AZIN1: variants seen among roughly 807,000 people sequenced by gnomAD.
AZIN1 encodes ornithine decarboxylase antizyme inhibitor.
Under a neutral mutation model 47.4 loss-of-function variants are expected in AZIN1, and 12 were observed. The ratio of observed to expected loss-of-function variants is 0.25; its 90% confidence interval spans 0.16 to 0.41. The LOEUF (loss-of-function observed/expected upper bound fraction) is 0.41, where lower values mean the gene tolerates loss of function less well. Ranked by LOEUF, AZIN1 falls within the 10% of genes least tolerant of loss-of-function variation. The pLI is 1.00. For missense variants in AZIN1, 410 were observed against 532.4 expected (o/e 0.77, Z 2.26); for synonymous variants, 155 against 176.3 (o/e 0.88, Z 0.96).
At position 102,836,358 on chromosome 8, in the gene AZIN1, A is replaced by G. The variant is rs753072537; in HGVS notation, c.482T>C (p.Ile161Thr). Residue 161 changes from isoleucine to threonine, a missense_variant, in exon 6 of 12, where the codon ATT (isoleucine) becomes ACT (threonine). Physicochemically the swap from Ile to Thr is moderately conservative, Grantham distance 89. This residue lies in a region of AZIN1 where 237 missense variants were observed against 309.4 expected (regional missense o/e 0.77). Coordinates refer to ENST00000337198, the MANE Select transcript of AZIN1 (RefSeq NM_148174.4). The stretch of plus-strand genomic sequence containing the variant: ...CTTCATGTTACCCTCTTCACCTCCA[A>G]TATTATCTTCTGTTGCAATATGTAG... ...VLLHIATEDNIGGEEGNMKFG... is the reference protein window; with the variant it reads ...VLLHIATEDNTGGEEGNMKFG... 7 of 1,613,814 alleles carry G rather than the reference A, an allele frequency of 4.3e-6. No homozygotes were observed. The highest frequency in any genetic ancestry group is 4.0e-5 in the African/African-American group (3 of 74,904).
At position 102,854,292 on chromosome 8, in the gene AZIN1, T is replaced by C. The variant is rs918733549; in HGVS notation, c.-96+3721A>G. Among the ~76,000 whole-genome samples the C allele has an allele frequency of 2.0e-5, 3 of 151,962 alleles. No individual in the cohort carries two copies. In the East Asian group the frequency reaches 5.8e-4, roughly 29 times the overall value. ...ACAGTGAAACATGAGGAAGGAGTAC[T>C]AGCAAATTCGTAAAGAACATCTTTC... On this transcript the variant is annotated intron_variant, in intron 2 of 11. Transcript: ENST00000337198.
At chr8:102,831,321 T>C (rs1449198737) in intron 9 of AZIN1, among the ~76,000 whole-genome samples, 3 of 152,036 alleles carry the variant, frequency 2.0e-5, no homozygotes, top group Non-Finnish European at 4.4e-5. Flanking sequence ...ATAATGAAGT[T>C]AGAAATTCAA....
At chr8:102,853,875 G>GAA (rs1813088445) in intron 2 of AZIN1, among the ~76,000 whole-genome samples, 7 of 151,294 alleles carry the variant, frequency 4.6e-5, no homozygotes, top group Admixed American at 4.0e-4. Context: ...CGGGGGGTGG[G>GAA]GGGAGAAAAG....
intron 3 of AZIN1, among the ~76,000 whole-genome samples, chr8:102,842,052 A>G (rs1812229203): frequency 6.6e-6 from 1 of 151,980 alleles, no homozygotes; most frequent in African/African-American, 2.4e-5. Flanking sequence ...CCGAGGTTGT[A>G]GTGAGTTGAG....
chr8:102,858,746 A>G (rs981246194), intron 1 of AZIN1, among the ~76,000 whole-genome samples: 3 of 152,238 alleles, frequency 2.0e-5, no homozygotes, highest in Admixed American at 6.5e-5. Flanking sequence ...TCCTTATAAT[A>G]TTAAGCAACT....
intron 2 of AZIN1, among the ~76,000 whole-genome samples, chr8:102,846,345 T>C (rs1254177913): frequency 2.0e-5 from 3 of 152,192 alleles, no homozygotes; most frequent in Non-Finnish European, 4.4e-5. Context: ...TAAAGATATT[T>C]TTTCCCAAAT....
chr8:102,852,676 G>C (rs139569015), intron 2 of AZIN1, among the ~76,000 whole-genome samples: 53 of 152,328 alleles, frequency 3.5e-4, no homozygotes, highest in African/African-American at 1.2e-3. Flanking sequence ...GGCCTGGGCA[G>C]GTTGAACCTG....
chr8:102,845,875 G>A (rs1033811156), intron 2 of AZIN1, among the ~76,000 whole-genome samples: 4 of 152,104 alleles, frequency 2.6e-5, no homozygotes, highest in African/African-American at 9.7e-5. Context: ...TGCAAACTGT[G>A]TCTTTTAAGT....
Position 102,827,535 on chromosome 8 carries a change from G to A in AZIN1, c.*1032C>T, listed in dbSNP as rs2131181585. 6.6e-6 allele frequency: 1 copy of A among 152,184 alleles called. No individual in the cohort carries two copies. Among genetic ancestry groups the A allele is most frequent in the East Asian group, 1.9e-4 (1 of 5,184 alleles). The allele number at this position is 152,184 out of a possible 1,614,324, so 9.4% of individuals were successfully genotyped here. On this transcript the variant is annotated 3_prime_UTR_variant, in exon 12 of 12. Coordinates refer to ENST00000337198, the MANE Select transcript of AZIN1 (RefSeq NM_148174.4). ...AAACATTCCGTGCAAAAGAGCAACA[G>A]GTTTCTGGATAAAGATGTAGCCCTT...
intron 2 of AZIN1, among the ~76,000 whole-genome samples, chr8:102,846,456 G>T (rs149572697): frequency 6.6e-6 from 1 of 152,268 alleles, no homozygotes; most frequent in Non-Finnish European, 1.5e-5. Flanking sequence ...CAGCCTAAGT[G>T]TTTCATCTAT....
chr8:102,834,535 T>C (rs563647614), intron 7 of AZIN1, 131 bp downstream of exon 7: 4 of 704,454 alleles, frequency 5.7e-6, no homozygotes, highest in East Asian at 5.4e-5. Flanking sequence ...TGAATGCTTA[T>C]ATAATAAAAA....
chr8:102,830,114 G>A (rs949717492), intron 9 of AZIN1, 178 bp from the exon 10 acceptor site: 11 of 516,240 alleles, frequency 2.1e-5, no homozygotes, highest in African/African-American at 9.9e-5. Flanking sequence ...GGCTGGATGC[G>A]GTGGCTCATA....
Position 102,834,654 on chromosome 8 carries a change from G to C in AZIN1, c.666+12C>G. 6.4e-7 allele frequency: 1 copy of C among 1,574,416 alleles called. No homozygotes were observed. On this transcript the variant is annotated intron_variant, in intron 7 of 11. Coordinates refer to ENST00000337198, the MANE Select transcript of AZIN1 (RefSeq NM_148174.4). The stretch of plus-strand genomic sequence containing the variant: ...AATAAAATATCAAAATAACTTAAAA[G>C]AAAGAACTTACAGCCATGTCAAACA...
In AZIN1 at chr8:102,829,522, T is replaced by C. The variant is rs777484519; in HGVS notation, c.1021-36A>G. The C allele has an allele frequency of 2.6e-6, 4 of 1,523,368 alleles. No individual in the cohort carries two copies. In the South Asian group the frequency reaches 4.7e-5, roughly 18 times the overall value. The allele number at this position is 1,523,368 out of a possible 1,614,324, so 94.4% of individuals were successfully genotyped here. ...AGTTTTACAATTTAATTTTTACTCATACTTACGCAGGTATTGAATTTGTGA... is the reference window on the plus strand; with the variant it reads ...AGTTTTACAATTTAATTTTTACTCACACTTACGCAGGTATTGAATTTGTGA... On this transcript the variant is annotated intron_variant, in intron 10 of 11. Coordinates refer to ENST00000337198, the MANE Select transcript of AZIN1 (RefSeq NM_148174.4).
At chr8:102,840,385 C>CAGACT (rs1457180318) in intron 3 of AZIN1, among the ~76,000 whole-genome samples, 3 of 152,152 alleles carry the variant, frequency 2.0e-5, no homozygotes, top group African/African-American at 7.2e-5. Flanking sequence ...TCTGTAGCAA[C>CAGACT]AGACTGGAGG....
At chr8:102,848,116 G>T (rs568030137) in intron 2 of AZIN1, among the ~76,000 whole-genome samples, 21 of 152,006 alleles carry the variant, frequency 1.4e-4, no homozygotes, top group African/African-American at 5.1e-4. Context: ...CGGTATACAG[G>T]ATGGTAGCCT....
At chr8:102,837,462 A>G (rs1285020675) in intron 5 of AZIN1, among the ~76,000 whole-genome samples, 1 of 152,234 alleles carries the variant, frequency 6.6e-6, no homozygotes, top group Non-Finnish European at 1.5e-5. Context: ...AAGAAGGTTA[A>G]TAATATGGCC....
rs1478597537 is a variant in AZIN1 at position 102,838,667 on chromosome 8, C to T, written c.449+77G>A. On this transcript the variant is annotated intron_variant, in intron 5 of 11. Coordinates refer to ENST00000337198, the MANE Select transcript of AZIN1 (RefSeq NM_148174.4). Reference sequence around the variant, plus strand: ...CATCATTGCCCTACCACAAATGCTCCTTTCTTCCCAGACAAAAGACAAACC... The same window carrying T: ...CATCATTGCCCTACCACAAATGCTCTTTTCTTCCCAGACAAAAGACAAACC... 30 of 1,244,658 alleles carry T rather than the reference C, an allele frequency of 2.4e-5. No homozygotes were observed. The East Asian group carries it at 5.9e-4, about 24-fold the overall frequency. 77.1% of individuals were successfully genotyped at this position (1,244,658 alleles called of 1,614,324 possible). A position where few individuals can be genotyped will look rare whatever the true frequency, so the allele number is the denominator to read the frequency against.
intron 3 of AZIN1, among the ~76,000 whole-genome samples, chr8:102,842,026 G>A (rs868093344): frequency 1.3e-5 from 2 of 151,738 alleles, no homozygotes; most frequent in Non-Finnish European, 2.9e-5. Flanking sequence ...CAGGAGAATC[G>A]CTTGAACCAG....
Sources: allele counts gnomAD v4.1 joint callset (sites outside exome capture counted in the v4.1 genomes callset), GRCh38; gene constraint gnomAD v4.1.1; regional missense constraint gnomAD v4.1.1; transcripts MANE v1.5; gene names NCBI Gene and HGNC (gene_info 2026-07-23, HGNC 2026-07-21).